Variants in SUGCT observed in about 807,000 individuals in gnomAD.
SUGCT encodes succinyl-CoA:glutarate-CoA transferase, also known as succinyl-CoA:glutarate CoA-transferase.
Under a neutral mutation model 55.0 loss-of-function variants are expected in SUGCT, and 41 were observed. The observed-to-expected ratio is 0.74, with a 90% CI of 0.58 to 0.97. The LOEUF is 0.97. SUGCT is among the 50% of genes least tolerant of loss of function. The pLI, the probability that SUGCT is intolerant of heterozygous loss-of-function variation, is 0.00. For missense variants in SUGCT, 568 were observed against 547.8 expected (o/e 1.04, Z -0.37); for synonymous variants, 187 against 200.4 (o/e 0.93, Z 0.56).
rs957714336 is a variant in SUGCT, at chr7:40,366,125, C to G, written c.816+49270C>G. Among the ~76,000 whole-genome samples, 132 of 152,258 alleles carry G rather than the reference C, an allele frequency of 8.7e-4. 1 individual carries two copies. Among genetic ancestry groups the G allele is most frequent in the Non-Finnish European group, 7.4e-5 (5 of 68,012 alleles). On this transcript the variant is annotated intron_variant, in intron 9 of 13. Coordinates refer to ENST00000335693, the MANE Select transcript of SUGCT (RefSeq NM_001193313.2). ...AATAACGCCACATATCTACAACTAT[C>G]CGATCTTTGACAAACCTGACAAAAA... is the stretch of plus-strand genomic sequence containing the variant.
At chr7:40,950,689 GC>G in the SUGCT span, among the ~76,000 whole-genome samples, 1 of 152,108 alleles carries the variant, frequency 6.6e-6, no homozygotes, top group African/African-American at 2.4e-5. Context: ...TTCGTCAAAG[GC>G]CTTTTCTGTA....
chr7:40,509,584 GT>G (rs944179170), intron 12 of SUGCT, among the ~76,000 whole-genome samples: 7 of 151,882 alleles, frequency 4.6e-5, no homozygotes, highest in Admixed American at 3.9e-4. Flanking sequence ...TTAATTGAGG[GT>G]TTTTTTTACA....
intron 12 of SUGCT, among the ~76,000 whole-genome samples, chr7:40,600,860 T>G (rs534894667): frequency 1.3e-5 from 2 of 152,228 alleles, no homozygotes; most frequent in South Asian, 4.2e-4. Flanking sequence ...TTTGTTTTGT[T>G]TTTAAGCTAT....
At position 40,152,996 on chromosome 7, in the gene SUGCT, C is replaced by CGCCCA. The variant is rs1445183880; in HGVS notation, c.100+17880_100+17884dup. On this transcript the variant is annotated intron_variant, in intron 1 of 13. Transcript: ENST00000335693. ...CTGGGATTACAGGCGTGAGCCACTGCGCCCAGCCAATTAATGTTGATTTTA... is the reference window on the plus strand; with the variant it reads ...CTGGGATTACAGGCGTGAGCCACTGCGCCCAGCCCAGCCAATTAATGTTGATTTTA... 3.2e-5 allele frequency: 6 copies of CGCCCA among 190,018 alleles called. No individual in the cohort carries two copies. The East Asian group carries it at 8.9e-4, about 28-fold the overall frequency. The allele number at this position is 190,018 out of a possible 1,614,324, so 11.8% of individuals were successfully genotyped here.
intron 9 of SUGCT, among the ~76,000 whole-genome samples, chr7:40,346,191 T>A (rs945913250): frequency 6.6e-6 from 1 of 152,098 alleles, no homozygotes; most frequent in South Asian, 2.1e-4. Flanking sequence ...GGATAGATTT[T>A]AAATTATACG....
intron 11 of SUGCT, among the ~76,000 whole-genome samples, chr7:40,481,426 G>A (rs981985673): frequency 2.0e-5 from 3 of 151,416 alleles, no homozygotes; most frequent in African/African-American, 4.8e-5. Context: ...TGTATATGAT[G>A]TAGAATAAAG....
rs537508896 is a variant in SUGCT at position 40,143,944 on chromosome 7, C to T, written c.100+8824C>T. Among the ~76,000 whole-genome samples the T allele has an allele frequency of 3.3e-5, 5 of 152,278 alleles. No homozygotes were observed. In the East Asian group the frequency reaches 9.6e-4, roughly 29 times the overall value. On this transcript the variant is annotated intron_variant, in intron 1 of 13. Transcript: ENST00000335693. The stretch of plus-strand genomic sequence containing the variant: ...TTGGAATGCACTGGTTTAGCTGACC[C>T]CCAGTTGGGGGTTGGCTGTCCCTCT...
At chr7:40,478,578 A>G (rs1790843592) in intron 11 of SUGCT, among the ~76,000 whole-genome samples, 2 of 152,146 alleles carry the variant, frequency 1.3e-5, no homozygotes, top group South Asian at 4.1e-4. Context: ...TAAGGGGTGC[A>G]GTGTTGTGAT....
At chr7:40,869,414 C>T in the SUGCT span, among the ~76,000 whole-genome samples, 1 of 152,330 alleles carries the variant, frequency 6.6e-6, no homozygotes, top group South Asian at 2.1e-4. Context: ...AAACAGGGAC[C>T]TCAGTCCTAC....
intron 12 of SUGCT, among the ~76,000 whole-genome samples, chr7:40,714,428 A>G (rs780694695): frequency 2.0e-5 from 3 of 152,184 alleles, no homozygotes; most frequent in Non-Finnish European, 2.9e-5. Context: ...GAGATTTGTC[A>G]TATACTTATT....
chr7:40,683,909 G>C, intron 12 of SUGCT: 1 of 1,157,324 alleles, frequency 8.6e-7, no homozygotes, highest in Non-Finnish European at 1.2e-6. Context: ...GGTCTCACCA[G>C]GCTAAAATCA....
At chr7:40,276,111 AAT>A (rs1562637686) in intron 8 of SUGCT, among the ~76,000 whole-genome samples, 2 of 152,332 alleles carry the variant, frequency 1.3e-5, no homozygotes, top group Admixed American at 6.5e-5. Context: ...AAAAAACATC[AAT>A]ATGGTTGAAA....
At chr7:40,382,505 G>T (rs1212536649) in intron 9 of SUGCT, among the ~76,000 whole-genome samples, 1 of 152,094 alleles carries the variant, frequency 6.6e-6, no homozygotes, top group East Asian at 1.9e-4. Flanking sequence ...CTCTGCAAGG[G>T]CACAGAAAGG....
At chr7:40,709,360 A>G (rs1287734841) in intron 12 of SUGCT, among the ~76,000 whole-genome samples, 1 of 152,264 alleles carries the variant, frequency 6.6e-6, no homozygotes, top group Non-Finnish European at 1.5e-5. Context: ...TCATGTGCAC[A>G]GGATTTAATG....
intron 9 of SUGCT, among the ~76,000 whole-genome samples, chr7:40,367,345 A>T (rs1784045506): frequency 6.6e-6 from 1 of 151,884 alleles, no homozygotes; most frequent in Admixed American, 6.6e-5. Context: ...GCAGGACACC[A>T]GCATGGCACA....
At chr7:40,824,182 T>A (rs1275905139) in intron 13 of SUGCT, among the ~76,000 whole-genome samples, 2 of 151,434 alleles carry the variant, frequency 1.3e-5, no homozygotes, top group African/African-American at 4.9e-5. Context: ...CTCTATGACT[T>A]CAGAGGGCAA....
intron 13 of SUGCT, among the ~76,000 whole-genome samples, chr7:40,826,864 C>CT (rs1792340042): frequency 6.6e-6 from 1 of 152,154 alleles, no homozygotes. Context: ...CAGGAAAGAG[C>CT]TTTTTGCCTA....
chr7:40,346,653 T>G lies in SUGCT; in HGVS notation c.816+29798T>G, dbSNP rs1797329123. ...TGCAGACATACACACACACTGTTGT[T>G]ACGAGCTATATGTGTCCCCCAAAAT... On this transcript the variant is annotated intron_variant, in intron 9 of 13. Transcript: ENST00000335693. 3.9e-5 allele frequency among the ~76,000 whole-genome samples: 6 copies of G among 152,334 alleles called. No individual in the cohort carries two copies. In the South Asian group the frequency reaches 1.0e-3, roughly 26 times the overall value.
At chr7:40,725,845 GCCTT>G (rs1178034825) in intron 12 of SUGCT, among the ~76,000 whole-genome samples, 2 of 151,974 alleles carry the variant, frequency 1.3e-5, no homozygotes, top group African/African-American at 2.4e-5. Context: ...CCCTTTTATA[GCCTT>G]GATTTTTAAG....
Sources: allele counts gnomAD v4.1 joint callset (sites outside exome capture counted in the v4.1 genomes callset), GRCh38; gene constraint gnomAD v4.1.1; transcripts MANE v1.5; gene names NCBI Gene and HGNC (gene_info 2026-07-23, HGNC 2026-07-21).